NEURL1B: variants seen among roughly 807,000 people sequenced by gnomAD.
The protein encoded by NEURL1B is E3 ubiquitin-protein ligase NEURL1B.
In NEURL1B, 13 loss-of-function variants were observed where a neutral mutation model predicts 37.4. The ratio of observed to expected loss-of-function variants is 0.35; its 90% confidence interval spans 0.23 to 0.55. The LOEUF (loss-of-function observed/expected upper bound fraction) is 0.55. Ranked by LOEUF, NEURL1B falls within the 20% of genes least tolerant of loss-of-function variation. NEURL1B has a pLI of 0.89. For synonymous variants in NEURL1B, 432 were observed against 426.6 expected, an observed-to-expected ratio of 1.01 and a Z score of -0.16; for missense variants, 790 against 879.2, an observed-to-expected ratio of 0.90 and a Z score of 1.28.
chr5:172,683,796 C>T lies in NEURL1B; in HGVS notation c.955C>T (p.Pro319Ser). 6.9e-6 allele frequency: 9 copies of T among 1,300,276 alleles called. No individual in the cohort carries two copies. The highest frequency in any genetic ancestry group is 8.8e-6 in the Non-Finnish European group (9 of 1,021,342). The allele number at this position is 1,300,276 out of a possible 1,614,324, so 80.5% of individuals were successfully genotyped here. Reference protein sequence around the residue: ...TLVFSERPLRPGESLFVEVGR... With the variant: ...TLVFSERPLRSGESLFVEVGR... ...GGTCTTCTCCGAGCGCCCGCTGCGG[C>T]CCGGCGAGAGCCTCTTCGTGGAGGT... Residue 319 changes from proline to serine, a missense_variant, in exon 3 of 5, where the codon CCC (proline) becomes TCC (serine). Physicochemically the swap from Pro to Ser is moderately conservative, Grantham distance 74 (BLOSUM62 -1). Transcript: ENST00000369800. This position sits in a 1 kb window ranked among gnomAD's most constrained non-coding sequence, Gnocchi z 5.6.
intron 1 of NEURL1B, chr5:172,656,588 C>T: frequency 1.2e-6 from 2 of 1,611,144 alleles, no homozygotes; most frequent in Non-Finnish European, 1.7e-6. Flanking sequence ...TCGCTTTTAG[C>T]TCCTCGAGTT....
At position 172,683,273 on chromosome 5, in the gene NEURL1B, G is replaced by A; in HGVS notation, c.578-146G>A. ...ACTAAATAACACAGATGGACAAAAG[G>A]AGAGTTCGAAGCCGGGGTGGGGTGG... is the stretch of plus-strand genomic sequence containing the variant. On this transcript the variant is annotated intron_variant, in intron 2 of 4. Transcript: ENST00000369800. This position sits in a 1 kb window ranked among gnomAD's most constrained non-coding sequence, Gnocchi z 5.6. The A allele has an allele frequency of 1.1e-6, 1 of 875,990 alleles. No homozygotes were observed. The highest frequency in any genetic ancestry group is 1.5e-6 in the Non-Finnish European group (1 of 662,486). 54.3% of individuals were successfully genotyped at this position (875,990 alleles called of 1,614,324 possible).
chr5:172,670,271 G>T lies in NEURL1B; in HGVS notation c.518G>T (p.Gly173Val). ...CTCTTCCACTGCGGCGTGGCCGTGG[G>T]CGGCCCGCTCTGGGCGCTCATTGAT... is the stretch of plus-strand genomic sequence containing the variant. ...PVLFHCGVAVGGPLWALIDVY... is the reference protein window; with the variant it reads ...PVLFHCGVAVVGPLWALIDVY... Residue 173 changes from glycine (G) to valine (V), a missense_variant, in exon 2 of 5, where the codon GGC becomes GTC. Physicochemically the swap from Gly to Val is moderately radical, Grantham distance 109 (BLOSUM62 -3). Transcript: ENST00000369800. 1 of 1,388,068 alleles carries T rather than the reference G, an allele frequency of 7.2e-7. No individual in the cohort carries two copies. 86.0% of individuals were successfully genotyped at this position (1,388,068 alleles called of 1,614,324 possible). A position where few individuals can be genotyped will look rare whatever the true frequency, so the allele number is the denominator to read the frequency against.
chr5:172,687,903 G>A lies in NEURL1B; in HGVS notation c.*978G>A, dbSNP rs1166553307. The A allele has an allele frequency of 6.6e-6, 1 of 152,300 alleles. No homozygotes were observed. The highest frequency in any genetic ancestry group is 1.9e-4 in the East Asian group (1 of 5,192). The allele number at this position is 152,300 out of a possible 1,614,324, so 9.4% of individuals were successfully genotyped here. On this transcript the variant is annotated 3_prime_UTR_variant, in exon 5 of 5. Transcript: ENST00000369800. ...TGGCCCCTGGGCCTGGCATTCCCAG[G>A]GGACCTGCTGGCAGGAGGAGGAACG...
intron 1 of NEURL1B, among the ~76,000 whole-genome samples, chr5:172,662,600 A>G (rs1757922280): frequency 6.6e-6 from 1 of 152,160 alleles, no homozygotes; most frequent in Non-Finnish European, 1.5e-5. Flanking sequence ...AGACATGACA[A>G]AACTGCAGTT....
rs778897478 is a variant in NEURL1B, at chr5:172,686,531, G to A, written c.1424-150G>A. 635 of 1,014,826 alleles carry A rather than the reference G, an allele frequency of 6.3e-4. No homozygotes were observed. Among genetic ancestry groups the A allele is most frequent in the Non-Finnish European group, 5.7e-4 (402 of 704,196 alleles). 62.9% of individuals were successfully genotyped at this position (1,014,826 alleles called of 1,614,324 possible). A position where few individuals can be genotyped will look rare whatever the true frequency, so the allele number is the denominator to read the frequency against. On this transcript the variant is annotated intron_variant, in intron 4 of 4. Coordinates refer to ENST00000369800, the MANE Select transcript of NEURL1B (RefSeq NM_001142651.3). The surrounding 1 kb of genome is among the most constrained non-coding windows in gnomAD (Gnocchi z 7.9). ...TGGGAGTAGAAGAGTAGAGAAAGGT[G>A]CAAAACCTGCAAGGTAAACTCAAAT...
intron 2 of NEURL1B, among the ~76,000 whole-genome samples, chr5:172,673,057 T>A (rs1758161715): frequency 6.6e-6 from 1 of 152,114 alleles, no homozygotes; most frequent in Non-Finnish European, 1.5e-5. Context: ...GAAAAGCGAG[T>A]TGTCATTGGA....
chr5:172,683,673 G>A lies in NEURL1B; in HGVS notation c.832G>A (p.Ala278Thr), dbSNP rs1172189965. ...CGCGTCGTCGCCGGCGCTACTGGAG[G>A]CCGACCTGCGCTTCCACGCAACACG... The part of the protein sequence containing the change: ...RPASSPALLE[A>T]DLRFHATRGP... Residue 278 changes from alanine (A) to threonine (T), a missense_variant, in exon 3 of 5, where the codon GCC becomes ACC. Physicochemically the swap from Ala to Thr is moderately conservative, Grantham distance 58. Coordinates refer to ENST00000369800, the MANE Select transcript of NEURL1B (RefSeq NM_001142651.3). This position sits in a 1 kb window ranked among gnomAD's most constrained non-coding sequence, Gnocchi z 5.6. The A allele has an allele frequency of 8.3e-6, 11 of 1,320,554 alleles. No homozygotes were observed. Among genetic ancestry groups the A allele is most frequent in the Middle Eastern group, 2.9e-4 (1 of 3,410 alleles). 81.8% of individuals were successfully genotyped at this position (1,320,554 alleles called of 1,614,324 possible). A position where few individuals can be genotyped will look rare whatever the true frequency, so the allele number is the denominator to read the frequency against.
At position 172,683,555 on chromosome 5, in the gene NEURL1B, G is replaced by C; in HGVS notation, c.714G>C (p.Leu238=). The C allele has an allele frequency of 6.8e-7, 1 of 1,477,316 alleles. No individual in the cohort carries two copies. Among genetic ancestry groups the C allele is most frequent in the Non-Finnish European group, 9.0e-7 (1 of 1,116,864 alleles). 91.5% of individuals were successfully genotyped at this position (1,477,316 alleles called of 1,614,324 possible). A position where few individuals can be genotyped will look rare whatever the true frequency, so the allele number is the denominator to read the frequency against. The change falls in exon 3 of 5, where the codon CTG becomes CTC. Residue 238 remains leucine (L), a synonymous_variant. Coordinates refer to ENST00000369800, the MANE Select transcript of NEURL1B (RefSeq NM_001142651.3). This position sits in a 1 kb window ranked among gnomAD's most constrained non-coding sequence, Gnocchi z 5.6. ...AGAACAACCAGGTGGTGGCCAAGCT[G>C]GGCCACCTGGCGCTGGGCCGCGCCC... The part of the protein sequence containing the change: ...ELENNQVVAK[L]GHLALGRAPG...
In NEURL1B at chr5:172,667,702, C is replaced by T. The variant is rs150143850; in HGVS notation, c.32-2083C>T. ...AATCCAGTAGCTTTGCTGGCCCCAGCATCCTTGCCACCGCCTCCCAGCAGT... is the reference window on the plus strand; with the variant it reads ...AATCCAGTAGCTTTGCTGGCCCCAGTATCCTTGCCACCGCCTCCCAGCAGT... On this transcript the variant is annotated intron_variant, in intron 1 of 4. Coordinates refer to ENST00000369800, the MANE Select transcript of NEURL1B (RefSeq NM_001142651.3). Among the ~76,000 whole-genome samples the T allele has an allele frequency of 4.5e-3, 690 of 152,274 alleles. 2 individuals carry two copies. The highest frequency in any genetic ancestry group is 0.01 in the Middle Eastern group (3 of 294).
chr5:172,674,757 A>T (rs1395503578), intron 2 of NEURL1B, among the ~76,000 whole-genome samples: 2 of 152,002 alleles, frequency 1.3e-5, no homozygotes, highest in East Asian at 1.9e-4. Flanking sequence ...TGTCCAGGGG[A>T]TAGACTCATT....
chr5:172,643,154 A>G (rs759649030), intron 1 of NEURL1B, among the ~76,000 whole-genome samples: 5 of 152,146 alleles, frequency 3.3e-5, no homozygotes, highest in Non-Finnish European at 7.4e-5. Flanking sequence ...GGGAGCCGGC[A>G]GTTAAGGTTG....
chr5:172,684,061 T>C lies in NEURL1B; in HGVS notation c.1220T>C (p.Leu407Pro), dbSNP rs1273461361. ...AACGGGCGTCCGCGCGGCCGCCTGC[T>C]GTGCGTCGACACCACGCAGGCGCTC... is the stretch of plus-strand genomic sequence containing the variant. Reference protein sequence around the residue: ...GINGRPRGRLLCVDTTQALWA... With the variant: ...GINGRPRGRLPCVDTTQALWA... Residue 407 changes from leucine to proline, a missense_variant, in exon 3 of 5, where the codon CTG becomes CCG. Around this residue, in one of 3 missense-constraint regions of NEURL1B, gnomAD observed 460 missense variants for 407.4 expected, o/e 1.13. Coordinates refer to ENST00000369800, the MANE Select transcript of NEURL1B (RefSeq NM_001142651.3). The C allele has an allele frequency of 6.8e-6, 9 of 1,324,928 alleles. No homozygotes were observed. The allele number at this position is 1,324,928 out of a possible 1,614,324, so 82.1% of individuals were successfully genotyped here.
At chr5:172,664,241 C>G (rs924201210) in intron 1 of NEURL1B, among the ~76,000 whole-genome samples, 2 of 152,112 alleles carry the variant, frequency 1.3e-5, no homozygotes, top group Admixed American at 1.3e-4. Context: ...CATATCTCAA[C>G]GCTGCCCCCT....
rs545264337 is a variant in NEURL1B at position 172,677,050 on chromosome 5, C to T, written c.578-6369C>T. 2.1e-4 allele frequency among the ~76,000 whole-genome samples: 32 copies of T among 150,250 alleles called. No individual in the cohort carries two copies. In the East Asian group the frequency reaches 3.9e-3, roughly 18 times the overall value. On this transcript the variant is annotated intron_variant, in intron 2 of 4. Transcript: ENST00000369800. The stretch of plus-strand genomic sequence containing the variant: ...AGGTCTCCCAGCTGGTCAGTGGCCA[C>T]GGTGGGGGAGGGAGGTGTGGACCCA...
Position 172,682,498 on chromosome 5 carries a change from C to A in NEURL1B, c.578-921C>A, listed in dbSNP as rs324331. ...GGCTGAGGCAGGAGAATCACTTGAA[C>A]CCAGGAGGCAGAGGTTGCAGTGAGC... On this transcript the variant is annotated intron_variant, in intron 2 of 4. Coordinates refer to ENST00000369800, the MANE Select transcript of NEURL1B (RefSeq NM_001142651.3). 9.7e-3 allele frequency among the ~76,000 whole-genome samples: 1,482 copies of A among 152,288 alleles called. 20 individuals carry two copies. Among genetic ancestry groups the A allele is most frequent in the African/African-American group, 0.034 (1,415 of 41,538 alleles).
In NEURL1B at chr5:172,670,386, G is replaced by A. The variant is rs1481794818; in HGVS notation, c.577+56G>A. The A allele has an allele frequency of 4.7e-5, 61 of 1,289,766 alleles. 1 individual carries two copies. The Admixed American group carries it at 2.4e-3, about 51-fold the overall frequency. 79.9% of individuals were successfully genotyped at this position (1,289,766 alleles called of 1,614,324 possible). On this transcript the variant is annotated intron_variant, in intron 2 of 4. Transcript: ENST00000369800. ...CCTGGCAGCGGTGCCTTTGCGCGTGGGTGTGTGTTTCATTAGTAGCCACAG... is the reference window on the plus strand; with the variant it reads ...CCTGGCAGCGGTGCCTTTGCGCGTGAGTGTGTGTTTCATTAGTAGCCACAG...
intron 2 of NEURL1B, among the ~76,000 whole-genome samples, chr5:172,681,956 T>A (rs1252818339): frequency 6.6e-6 from 1 of 152,220 alleles, no homozygotes; most frequent in African/African-American, 2.4e-5. Flanking sequence ...AATGACTCTT[T>A]CCTGATGTTG....
chr5:172,669,851 C>T lies in NEURL1B; in HGVS notation c.98C>T (p.Pro33Leu), dbSNP rs1394749090. The change falls in exon 2 of 5, where the codon CCG becomes CTG. Residue 33 changes from proline (P) to leucine (L), a missense_variant. Pro to Leu is a moderately conservative substitution (Grantham distance 98, BLOSUM62 -3). This residue lies in a region of NEURL1B where 215 missense variants were observed against 309.2 expected (regional missense o/e 0.70). Transcript: ENST00000369800. Reference protein sequence around the residue: ...PCCGPGPERRPVLGEAPRFHA... With the variant: ...PCCGPGPERRLVLGEAPRFHA... ...TGCGGCCCCGGCCCCGAGCGACGCC[C>T]GGTCCTGGGCGAGGCGCCGCGCTTC... 1.0e-5 allele frequency: 14 copies of T among 1,370,556 alleles called. No individual in the cohort carries two copies. Among genetic ancestry groups the T allele is most frequent in the South Asian group, 1.7e-5 (1 of 60,136 alleles). 84.9% of individuals were successfully genotyped at this position (1,370,556 alleles called of 1,614,324 possible).
Sources: gnomAD v4.1 joint callset for allele counts (sites outside exome capture counted in the v4.1 genomes callset) on GRCh38, gnomAD v4.1.1 for gene constraint, gnomAD v4.1.1 regional missense constraint, Gnocchi (gnomAD v3.1) non-coding constraint, MANE v1.5 for transcripts, NCBI Gene and HGNC (gene_info 2026-07-23, HGNC 2026-07-21) for gene names.